RBPMS: variants seen among roughly 807,000 people sequenced by gnomAD.
The protein encoded by RBPMS is RNA-binding protein with multiple splicing.
Under a neutral mutation model 26.8 loss-of-function variants are expected in RBPMS, and 7 were observed. The observed-to-expected ratio is 0.26, with a 90% confidence interval of 0.15 to 0.49. The LOEUF (loss-of-function observed/expected upper bound fraction) is 0.49. Among genes scored for constraint, RBPMS ranks in the 20% least tolerant of loss-of-function variants. RBPMS has a pLI of 0.98. For missense variants in RBPMS, 186 were observed against 250.0 expected (o/e 0.74, Z 1.73); for synonymous variants, 96 against 93.3 (o/e 1.03, Z -0.17).
chr8:30,530,524 G>A (rs901547492), intron 5 of RBPMS, among the ~76,000 whole-genome samples: 26 of 152,046 alleles, frequency 1.7e-4, no homozygotes, highest in African/African-American at 6.3e-4. Context: ...GTGCAGTGGT[G>A]CGATCTCAGC....
chr8:30,393,627 G>A (rs1471212916), intron 1 of RBPMS, among the ~76,000 whole-genome samples: 4 of 151,478 alleles, frequency 2.6e-5, no homozygotes, highest in Non-Finnish European at 5.9e-5. Context: ...AAGCAATTCT[G>A]CTGCCTCAGC....
At chr8:30,472,272 A>C (rs558844403) in intron 1 of RBPMS, among the ~76,000 whole-genome samples, 38 of 152,338 alleles carry the variant, frequency 2.5e-4, no homozygotes, top group African/African-American at 9.1e-4. Flanking sequence ...CTCAAAGTAA[A>C]TTTCACTTCA....
At chr8:30,568,062 G>A (rs1828017701) in intron 8 of RBPMS, among the ~76,000 whole-genome samples, 1 of 152,210 alleles carries the variant, frequency 6.6e-6, no homozygotes. Context: ...GCCCCTAGAG[G>A]CTCCAGAGAC....
chr8:30,451,270 C>T (rs868637171), intron 1 of RBPMS, among the ~76,000 whole-genome samples: 24 of 152,138 alleles, frequency 1.6e-4, no homozygotes, highest in African/African-American at 4.3e-4. Flanking sequence ...AAGCTAAAAT[C>T]GTTGAATCAT....
intron 1 of RBPMS, among the ~76,000 whole-genome samples, chr8:30,447,285 A>G (rs922936279): frequency 2.6e-5 from 4 of 152,222 alleles, no homozygotes; most frequent in African/African-American, 9.6e-5. Flanking sequence ...GGGCCCAAGC[A>G]TTTCAGTTAA....
chr8:30,570,362 G>A (rs1460120468), intron 8 of RBPMS, among the ~76,000 whole-genome samples: 4 of 152,176 alleles, frequency 2.6e-5, no homozygotes, highest in Non-Finnish European at 4.4e-5. Context: ...GGCAGGAAAA[G>A]GAGTGACTGA....
At chr8:30,427,222 A>G (rs780225965) in intron 1 of RBPMS, among the ~76,000 whole-genome samples, 1 of 152,096 alleles carries the variant, frequency 6.6e-6, no homozygotes, top group Non-Finnish European at 1.5e-5. Context: ...AGTCTTCAGA[A>G]CTCCATACCC....
intron 5 of RBPMS, among the ~76,000 whole-genome samples, chr8:30,536,982 C>G (rs1007410140): frequency 6.6e-6 from 1 of 152,132 alleles, no homozygotes; most frequent in Non-Finnish European, 1.5e-5. Flanking sequence ...GGCTGGCAGA[C>G]ACTTGGAATA....
At chr8:30,513,667 A>G (rs928005080) in intron 5 of RBPMS, among the ~76,000 whole-genome samples, 5 of 151,938 alleles carry the variant, frequency 3.3e-5, no homozygotes, top group African/African-American at 1.2e-4. Flanking sequence ...TAATGCAAAT[A>G]ATTGCCCCAA....
intron 5 of RBPMS, among the ~76,000 whole-genome samples, chr8:30,540,220 A>C (rs1825238646): frequency 1.3e-5 from 2 of 152,190 alleles, no homozygotes; most frequent in Admixed American, 1.3e-4. Flanking sequence ...TGCCTCTGGC[A>C]GAGGGAGCAG....
chr8:30,565,910 TG>T (rs1827854779), intron 7 of RBPMS: 1 of 152,312 alleles, frequency 6.6e-6, no homozygotes. Flanking sequence ...CACAGGGACG[TG>T]GGTGTAGAGT....
intron 1 of RBPMS, among the ~76,000 whole-genome samples, chr8:30,462,404 G>A (rs974221267): frequency 1.3e-5 from 2 of 152,000 alleles, no homozygotes; most frequent in African/African-American, 2.4e-5. Context: ...ATAAAATTAA[G>A]TAACATTATA....
intron 5 of RBPMS, among the ~76,000 whole-genome samples, chr8:30,534,131 A>AGG (rs1824557743): frequency 1.3e-5 from 2 of 148,376 alleles, no homozygotes; most frequent in African/African-American, 2.6e-5. Context: ...AGACTCTCAA[A>AGG]AAAAAAAAAA....
intron 1 of RBPMS, among the ~76,000 whole-genome samples, chr8:30,390,790 T>G (rs2150543952): frequency 6.6e-6 from 1 of 152,326 alleles, no homozygotes; most frequent in East Asian, 1.9e-4. Flanking sequence ...TTTACAGTAT[T>G]CCCAATGTTC....
rs10113547 is a variant in RBPMS, at chr8:30,488,168, A to C, written c.246+8791A>C. 5.8e-3 allele frequency among the ~76,000 whole-genome samples: 878 copies of C among 152,320 alleles called. 11 individuals carry two copies. Among genetic ancestry groups the C allele is most frequent in the African/African-American group, 0.02 (851 of 41,566 alleles). Reference sequence around the variant, plus strand: ...CATATGTAAATGAATGAATAAATACACAGAGTACTTAAAGAGTTAAATTTG... The same window carrying C: ...CATATGTAAATGAATGAATAAATACCCAGAGTACTTAAAGAGTTAAATTTG... On this transcript the variant is annotated intron_variant, in intron 4 of 8. Transcript: ENST00000397323.
intron 1 of RBPMS, among the ~76,000 whole-genome samples, chr8:30,429,005 C>T (rs1340053861): frequency 1.3e-5 from 2 of 152,136 alleles, no homozygotes; most frequent in Admixed American, 1.3e-4. Context: ...TTCTAAGACA[C>T]ATCAAAGGTG....
chr8:30,504,186 TCCTGATAGACC>T, intron 4 of RBPMS, 89 bp from the exon 5 acceptor site: 1 of 1,281,702 alleles, frequency 7.8e-7, no homozygotes, highest in South Asian at 1.3e-5. Flanking sequence ...TGACCTTTTT[TCCTGATAGACC>T]AGGGTTTACT....
intron 5 of RBPMS, among the ~76,000 whole-genome samples, chr8:30,514,703 T>TA (rs1822121122): frequency 7.4e-6 from 1 of 135,336 alleles, no homozygotes; most frequent in African/African-American, 2.8e-5. Flanking sequence ...TTTTTTTTTT[T>TA]AATGTAGAGG....
At chr8:30,548,507 C>T (rs529243469) in intron 6 of RBPMS, among the ~76,000 whole-genome samples, 2 of 152,318 alleles carry the variant, frequency 1.3e-5, no homozygotes, top group Admixed American at 1.3e-4. Flanking sequence ...GCAGTTCTAT[C>T]GGATTTCTAA....
Sources: allele counts gnomAD v4.1 joint callset (sites outside exome capture counted in the v4.1 genomes callset), GRCh38; gene constraint gnomAD v4.1.1; transcripts MANE v1.5; gene names NCBI Gene and HGNC (gene_info 2026-07-23, HGNC 2026-07-21).